The following PREX2 variants were observed in gnomAD, a reference collection of about 807,000 sequenced individuals.
PREX2 encodes the protein phosphatidylinositol 3,4,5-trisphosphate-dependent Rac exchanger 2 protein.
Under a neutral mutation model 203.2 loss-of-function variants are expected in PREX2, and 107 were observed. The observed-to-expected ratio is 0.53, with a 90% confidence interval of 0.45 to 0.62. PREX2 has a LOEUF of 0.62. Among genes scored for constraint, PREX2 ranks in the 20% least tolerant of loss-of-function variants. PREX2 has a pLI of 0.00. For missense variants in PREX2, 1,777 were observed against 1,955.9 expected (o/e 0.91, Z 1.72); for synonymous variants, 672 against 663.6 (o/e 1.01, Z -0.19).
At chr8:68,072,316 T>A (rs1809220550) in intron 13 of PREX2, among the ~76,000 whole-genome samples, 179 bp from the exon 14 acceptor site, 1 of 152,156 alleles carries the variant, frequency 6.6e-6, no homozygotes, top group African/African-American at 2.4e-5. Context: ...ATTTTTCAGG[T>A]GTTTTACATG....
intron 33 of PREX2, among the ~76,000 whole-genome samples, chr8:68,145,205 A>C (rs1476084300): frequency 6.6e-6 from 1 of 152,168 alleles, no homozygotes; most frequent in Non-Finnish European, 1.5e-5. Context: ...CTCTTTTCTA[A>C]ATCGAATGCT....
chr8:68,212,313 T>C (rs1392776588), intron 37 of PREX2, among the ~76,000 whole-genome samples: 1 of 152,210 alleles, frequency 6.6e-6, no homozygotes, highest in African/African-American at 2.4e-5. Flanking sequence ...TATGGGTAAT[T>C]CATTCCCACC....
chr8:68,065,717 C>A (rs1167175374), intron 11 of PREX2, among the ~76,000 whole-genome samples: 1 of 152,096 alleles, frequency 6.6e-6, no homozygotes, highest in Non-Finnish European at 1.5e-5. Flanking sequence ...CTCTTTGCAG[C>A]AAATTATCTC....
At chr8:68,106,867 G>A (rs371595610) in intron 23 of PREX2, among the ~76,000 whole-genome samples, 7 of 152,054 alleles carry the variant, frequency 4.6e-5, no homozygotes, top group East Asian at 1.9e-4. Flanking sequence ...ATTGTGTTAC[G>A]AAGAATGCAA....
chr8:68,224,585 G>T lies in PREX2; in HGVS notation c.4734G>T (p.Lys1578Asn). The change falls in exon 39 of 40, where the codon AAG becomes AAT. Residue 1578 changes from lysine to asparagine, a missense_variant. Transcript: ENST00000288368. The stretch of plus-strand genomic sequence containing the variant: ...GAGCAAGAGTTCAGAACACAGCGAA[G>T]AATTTGGGAGTCAGAGACCGGACTC... Reference protein sequence around the residue: ...KQGARVQNTAKNLGVRDRTPQ... With the variant: ...KQGARVQNTANNLGVRDRTPQ... The T allele has an allele frequency of 1.2e-6, 2 of 1,613,914 alleles. No homozygotes were observed. Among genetic ancestry groups the T allele is most frequent in the Middle Eastern group, 1.6e-4 (1 of 6,062 alleles).
In PREX2 at chr8:68,165,911, A is replaced by G. The variant is rs1811751906; in HGVS notation, c.4346+8475A>G. Among the ~76,000 whole-genome samples the G allele has an allele frequency of 2.6e-5, 4 of 152,232 alleles. No individual in the cohort carries two copies. The South Asian group carries it at 8.3e-4, about 31-fold the overall frequency. ...CTGATGTTTAATAGGAGTTGGTCAC[A>G]GATGAAAAATGAAGCCCAAATTTCA... On this transcript the variant is annotated intron_variant, in intron 35 of 39. Coordinates refer to ENST00000288368, the MANE Select transcript of PREX2 (RefSeq NM_024870.4).
intron 1 of PREX2, among the ~76,000 whole-genome samples, chr8:68,002,510 C>T (rs1806971746): frequency 6.6e-6 from 1 of 152,078 alleles, no homozygotes; most frequent in South Asian, 2.1e-4. Context: ...TATGATTGTC[C>T]CTGTAGTTCT....
intron 30 of PREX2, among the ~76,000 whole-genome samples, chr8:68,124,406 C>T (rs561588424): frequency 5.8e-4 from 88 of 152,168 alleles, no homozygotes; most frequent in Non-Finnish European, 1.1e-3. Context: ...CCAAATACCA[C>T]ATGTTCTCAT....
At chr8:68,066,628 A>G (rs1443357256) in intron 11 of PREX2, among the ~76,000 whole-genome samples, 6 of 152,070 alleles carry the variant, frequency 3.9e-5, no homozygotes, top group Non-Finnish European at 8.8e-5. Context: ...CTCCTACTGA[A>G]TATATGGTTT....
At position 67,952,468 on chromosome 8, in the gene PREX2, T is replaced by G. The variant is rs1466413704; in HGVS notation, c.74T>G (p.Val25Gly). The change falls in exon 1 of 40, where the codon GTG becomes GGG. Residue 25 changes from valine (V) to glycine (G), a missense_variant. Val to Gly is a moderately radical substitution (Grantham distance 109). Coordinates refer to ENST00000288368, the MANE Select transcript of PREX2 (RefSeq NM_024870.4). Reference sequence around the variant, plus strand: ...CTGGAGAAGCAGCTTCGCCTGCGCGTGTGCGTGCTCAGCGAGCTCCAGAAG... The same window carrying G: ...CTGGAGAAGCAGCTTCGCCTGCGCGGGTGCGTGCTCAGCGAGCTCCAGAAG... ...KDLEKQLRLR[V>G]CVLSELQKTE... 1 of 1,603,762 alleles carries G rather than the reference T, an allele frequency of 6.2e-7. No individual in the cohort carries two copies. The highest frequency in any genetic ancestry group is 1.7e-5 in the Admixed American group (1 of 58,940).
intron 35 of PREX2, among the ~76,000 whole-genome samples, chr8:68,183,584 T>A (rs1056413417): frequency 6.6e-6 from 1 of 152,128 alleles, no homozygotes; most frequent in Admixed American, 6.6e-5. Flanking sequence ...CACAGTGATA[T>A]GTACATATCG....
intron 1 of PREX2, among the ~76,000 whole-genome samples, chr8:67,961,045 A>G (rs907344706): frequency 2.0e-5 from 3 of 151,516 alleles, no homozygotes; most frequent in African/African-American, 7.3e-5. Flanking sequence ...TCTATTTTAC[A>G]TTTGATGCAC....
intron 25 of PREX2, chr8:68,114,333 A>G (rs376308111): frequency 4.0e-6 from 2 of 506,164 alleles, no homozygotes; most frequent in African/African-American, 3.9e-5. Flanking sequence ...TTGAAATAAC[A>G]AACATTACAT....
rs750093556 is a variant in PREX2, at chr8:68,146,397, A to G, written c.4231+45A>G. The G allele has an allele frequency of 3.5e-6, 5 of 1,438,120 alleles. No individual in the cohort carries two copies. In the East Asian group the frequency reaches 1.2e-4, roughly 33 times the overall value. 89.1% of individuals were successfully genotyped at this position (1,438,120 alleles called of 1,614,324 possible). ...ATGGCTGCTATACTTTAATTATTTT[A>G]TCTTTATTAATGCTTTTATAAATGT... On this transcript the variant is annotated intron_variant, in intron 34 of 39. Transcript: ENST00000288368.
chr8:67,978,282 T>C (rs548523024), intron 1 of PREX2, among the ~76,000 whole-genome samples: 13 of 152,226 alleles, frequency 8.5e-5, no homozygotes, highest in East Asian at 1.9e-4. Flanking sequence ...GAGTTTTTTT[T>C]CCCCATATCC....
intron 8 of PREX2, among the ~76,000 whole-genome samples, chr8:68,051,507 T>A (rs1808526586): frequency 6.6e-6 from 1 of 152,024 alleles, no homozygotes; most frequent in East Asian, 1.9e-4. Context: ...GGGGGAAGAG[T>A]TTTAAACGTG....
intron 1 of PREX2, among the ~76,000 whole-genome samples, chr8:67,987,917 G>A (rs904609469): frequency 1.4e-4 from 19 of 140,284 alleles, no homozygotes; most frequent in African/African-American, 5.5e-4. Flanking sequence ...CAGGGAGTGT[G>A]TGTGTGTGTG....
chr8:68,029,371 T>A (rs13261936), intron 5 of PREX2, among the ~76,000 whole-genome samples: 6 of 152,118 alleles, frequency 3.9e-5, no homozygotes, highest in African/African-American at 1.4e-4. Flanking sequence ...GTGCCTCTAC[T>A]CTTTAGAGTT....
chr8:68,020,998 C>T (rs567883266), intron 3 of PREX2, among the ~76,000 whole-genome samples: 10 of 152,194 alleles, frequency 6.6e-5, no homozygotes, highest in African/African-American at 1.9e-4. Flanking sequence ...TTTCAATGGG[C>T]GCACTTTTGT....
Sources: gnomAD v4.1 joint callset for allele counts (sites outside exome capture counted in the v4.1 genomes callset) on GRCh38, gnomAD v4.1.1 for gene constraint, MANE v1.5 for transcripts, NCBI Gene and HGNC (gene_info 2026-07-23, HGNC 2026-07-21) for gene names.